The following SYN3 variants were observed in gnomAD, a reference collection of about 807,000 sequenced individuals.
SYN3 encodes the protein synapsin III.
A neutral mutation model predicts 65.8 loss-of-function variants in SYN3; 35 were observed. That is an observed-to-expected ratio of 0.53 (90% CI 0.41 to 0.70). SYN3 has a LOEUF of 0.70. Ranked by LOEUF, SYN3 falls within the 30% of genes least tolerant of loss-of-function variation. The pLI is 0.00. For synonymous variants in SYN3, 270 were observed against 292.9 expected (o/e 0.92, Z 0.80); for missense variants, 680 against 749.0 (o/e 0.91, Z 1.08).
intron 6 of SYN3, among the ~76,000 whole-genome samples, chr22:32,813,071 A>G (rs1179359499): frequency 2.6e-5 from 4 of 152,160 alleles, no homozygotes; most frequent in African/African-American, 9.7e-5. Flanking sequence ...CTTGTCATCC[A>G]TGCCATGTCA....
intron 7 of SYN3, among the ~76,000 whole-genome samples, chr22:32,572,427 C>G: frequency 8.6e-6 from 1 of 115,640 alleles, no homozygotes; most frequent in Non-Finnish European, 1.8e-5. Context: ...TTCCTTCTTC[C>G]TTCCTTCCTT....
chr22:32,869,429 T>A (rs1569290749), intron 4 of SYN3, among the ~76,000 whole-genome samples: 3 of 149,410 alleles, frequency 2.0e-5, no homozygotes, highest in Admixed American at 6.7e-5. Context: ...CAGAAAAAAA[T>A]ATATCAAAGT....
At chr22:33,037,032 A>G (rs974749386) in intron 1 of SYN3, among the ~76,000 whole-genome samples, 3 of 152,174 alleles carry the variant, frequency 2.0e-5, no homozygotes, top group African/African-American at 7.2e-5. Context: ...CTGAACTCCC[A>G]GCGCTTCCAA....
At chr22:32,948,981 T>C (rs1329435830) in intron 3 of SYN3, among the ~76,000 whole-genome samples, 2 of 151,944 alleles carry the variant, frequency 1.3e-5, no homozygotes, top group Admixed American at 1.3e-4. Flanking sequence ...ACCAGAAGTG[T>C]TTTGCATTTT....
At chr22:32,747,344 T>C (rs2044969477) in intron 6 of SYN3, among the ~76,000 whole-genome samples, 1 of 129,766 alleles carries the variant, frequency 7.7e-6, no homozygotes, top group South Asian at 2.4e-4. Context: ...ACAAAAAAAT[T>C]GGGAGGTGAT....
intron 4 of SYN3, among the ~76,000 whole-genome samples, chr22:32,880,591 G>C (rs572882520): frequency 1.3e-5 from 2 of 152,280 alleles, no homozygotes; most frequent in African/African-American, 4.8e-5. Context: ...GTTACCATCA[G>C]CCCAAGAAAT....
At chr22:32,586,812 T>C (rs73881740) in intron 7 of SYN3, among the ~76,000 whole-genome samples, 10,386 of 152,142 alleles carry the variant, frequency 0.068, 375 homozygotes, top group African/African-American at 0.079. Flanking sequence ...GTATGTTGCA[T>C]TTGTGGAGAG....
chr22:32,700,736 AGCT>A (rs536746099), intron 6 of SYN3, among the ~76,000 whole-genome samples: 132 of 152,338 alleles, frequency 8.7e-4, no homozygotes, highest in African/African-American at 3.0e-3. Flanking sequence ...AATGAAAAAT[AGCT>A]TTAAACACCA....
intron 6 of SYN3, among the ~76,000 whole-genome samples, chr22:32,680,091 T>A (rs1433465127): frequency 1.3e-5 from 2 of 152,156 alleles, no homozygotes; most frequent in African/African-American, 4.8e-5. Flanking sequence ...TCAGGTAATA[T>A]TCTGTAATCG....
chr22:32,901,031 G>A (rs2049745145), intron 4 of SYN3, among the ~76,000 whole-genome samples: 2 of 152,194 alleles, frequency 1.3e-5, no homozygotes, highest in African/African-American at 2.4e-5. Flanking sequence ...GATATGGAGA[G>A]GAAAATGTGG....
intron 4 of SYN3, among the ~76,000 whole-genome samples, chr22:32,927,546 G>A (rs1277117185): frequency 6.6e-6 from 1 of 152,014 alleles, no homozygotes; most frequent in African/African-American, 2.4e-5. Flanking sequence ...CACCACACCT[G>A]GCCATGTTTA....
chr22:32,728,080 A>G (rs1230097844), intron 6 of SYN3, among the ~76,000 whole-genome samples: 1 of 152,236 alleles, frequency 6.6e-6, no homozygotes, highest in Non-Finnish European at 1.5e-5. Flanking sequence ...ACCATACACA[A>G]AAATCAACTC....
intron 7 of SYN3, among the ~76,000 whole-genome samples, chr22:32,589,252 T>A (rs2059095707): frequency 6.6e-6 from 1 of 152,218 alleles, no homozygotes; most frequent in African/African-American, 2.4e-5. Flanking sequence ...GGGGCTTGCC[T>A]GCTCTGCATC....
Position 32,877,415 on chromosome 22 carries a change from C to T in SYN3, c.462-8290G>A, listed in dbSNP as rs145680367. Reference sequence around the variant, plus strand: ...GGAACCATGAGTCAAGCTTCACAGCCTGTTGGCTCTAGAATAGGGTTTCCC... The same window carrying T: ...GGAACCATGAGTCAAGCTTCACAGCTTGTTGGCTCTAGAATAGGGTTTCCC... On this transcript the variant is annotated intron_variant, in intron 4 of 13. Coordinates refer to ENST00000358763, the MANE Select transcript of SYN3 (RefSeq NM_003490.4). 2.0e-5 allele frequency among the ~76,000 whole-genome samples: 3 copies of T among 152,312 alleles called. No individual in the cohort carries two copies. In the East Asian group the frequency reaches 5.8e-4, roughly 29 times the overall value.
intron 3 of SYN3, among the ~76,000 whole-genome samples, chr22:32,976,292 G>T (rs2052184124): frequency 6.6e-6 from 1 of 152,004 alleles, no homozygotes. Flanking sequence ...GTTGCTCAAG[G>T]GCAGGGTTTA....
rs2060245163 is a variant in SYN3, at chr22:32,663,393, GGTTCACGCCATTCTCCTGCCTCA to G, written c.712-66680_712-66658del. On this transcript the variant is annotated intron_variant, in intron 6 of 13. Coordinates refer to ENST00000358763, the MANE Select transcript of SYN3 (RefSeq NM_003490.4). ...GGCTCACTGCAAGCTCCGCCTCCCGGGTTCACGCCATTCTCCTGCCTCAGCCGCCCGAATAGCTGGGAGTATAG... is the reference window on the plus strand; with the variant it reads ...GGCTCACTGCAAGCTCCGCCTCCCGGGCCGCCCGAATAGCTGGGAGTATAG... 4.0e-5 allele frequency among the ~76,000 whole-genome samples: 6 copies of G among 151,414 alleles called. No individual in the cohort carries two copies. The South Asian group carries it at 1.3e-3, about 32-fold the overall frequency.
chr22:32,523,023 A>G (rs1013575995), intron 12 of SYN3, among the ~76,000 whole-genome samples: 12 of 152,238 alleles, frequency 7.9e-5, no homozygotes, highest in Non-Finnish European at 1.8e-4. Flanking sequence ...ACGACCTTGC[A>G]TTGAGCAAGT....
At chr22:32,793,255 G>A (rs576403981) in intron 6 of SYN3, among the ~76,000 whole-genome samples, 19 of 152,304 alleles carry the variant, frequency 1.2e-4, no homozygotes, top group African/African-American at 4.6e-4. Context: ...GGAAGATGAT[G>A]AGGTACTAAG....
rs1447486931 is a variant in SYN3 at position 32,572,754 on chromosome 22, C to A, written c.774+23920G>T. ...GGAGCCACTATATCTGGCTCTCTGG[C>A]CATTTCTGACAATACACCAGCCCCA... is the stretch of plus-strand genomic sequence containing the variant. On this transcript the variant is annotated intron_variant, in intron 7 of 13. Coordinates refer to ENST00000358763, the MANE Select transcript of SYN3 (RefSeq NM_003490.4). Among the ~76,000 whole-genome samples, 4 of 152,124 alleles carry A rather than the reference C, an allele frequency of 2.6e-5. No individual in the cohort carries two copies. The South Asian group carries it at 8.3e-4, about 32-fold the overall frequency.
Sources: gnomAD v4.1 joint callset for allele counts (sites outside exome capture counted in the v4.1 genomes callset) on GRCh38, gnomAD v4.1.1 for gene constraint, MANE v1.5 for transcripts, NCBI Gene and HGNC (gene_info 2026-07-23, HGNC 2026-07-21) for gene names.